The following GABRB2 variants were observed in gnomAD, a reference collection of about 807,000 sequenced individuals.
The protein encoded by GABRB2 is gamma-aminobutyric acid type A receptor subunit beta2.
A neutral mutation model predicts 54.7 loss-of-function variants in GABRB2; 16 were observed. That is an observed-to-expected ratio of 0.29 (90% CI 0.20 to 0.44). GABRB2 has a LOEUF of 0.44. Among genes scored for constraint, GABRB2 ranks in the 20% least tolerant of loss-of-function variants. GABRB2 has a pLI of 1.00. For missense variants in GABRB2, 355 were observed against 644.0 expected, an observed-to-expected ratio of 0.55 and a Z score of 4.86; for synonymous variants, 244 against 233.8, an observed-to-expected ratio of 1.04 and a Z score of -0.40.
chr5:161,315,040 G>A (rs928639076), intron 9 of GABRB2, among the ~76,000 whole-genome samples: 1 of 151,954 alleles, frequency 6.6e-6, no homozygotes, highest in Non-Finnish European at 1.5e-5. Context: ...CTAGTAATAT[G>A]GTAGAAGTAT....
At chr5:161,472,626 A>G (rs1758476810) in intron 3 of GABRB2, among the ~76,000 whole-genome samples, 1 of 151,952 alleles carries the variant, frequency 6.6e-6, no homozygotes, top group Non-Finnish European at 1.5e-5. Context: ...TTTTACACAA[A>G]AGGTAATTAC....
chr5:161,433,082 A>G (rs545633929), intron 4 of GABRB2, among the ~76,000 whole-genome samples: 102 of 152,274 alleles, frequency 6.7e-4, no homozygotes, highest in African/African-American at 2.3e-3. Flanking sequence ...GATGCACAGT[A>G]GATACCAAAA....
chr5:161,375,830 A>G (rs921085587), intron 5 of GABRB2, among the ~76,000 whole-genome samples: 1 of 152,164 alleles, frequency 6.6e-6, no homozygotes, highest in East Asian at 1.9e-4. Flanking sequence ...ATGATGAAGA[A>G]GATGATGATT....
intron 5 of GABRB2, among the ~76,000 whole-genome samples, chr5:161,343,939 GA>G (rs1754243919): frequency 1.3e-5 from 2 of 152,072 alleles, no homozygotes; most frequent in Non-Finnish European, 2.9e-5. Context: ...AAAATCTTGT[GA>G]AAATGCAGAT....
At chr5:161,418,398 A>G (rs1756744873) in intron 4 of GABRB2, among the ~76,000 whole-genome samples, 1 of 152,186 alleles carries the variant, frequency 6.6e-6, no homozygotes, top group Non-Finnish European at 1.5e-5. Context: ...TCTTAGAGGA[A>G]GTCTGCATCC....
intron 4 of GABRB2, among the ~76,000 whole-genome samples, chr5:161,442,148 C>T (rs893456615): frequency 1.6e-4 from 25 of 152,062 alleles, no homozygotes; most frequent in African/African-American, 6.0e-4. Flanking sequence ...CTATGGAAAA[C>T]CCATTGCCCA....
intron 3 of GABRB2, among the ~76,000 whole-genome samples, chr5:161,466,756 A>C (rs1480132611): frequency 6.6e-6 from 1 of 151,946 alleles, no homozygotes; most frequent in Non-Finnish European, 1.5e-5. Flanking sequence ...ATGACTATTC[A>C]ACCATGAGCT....
chr5:161,540,239 C>T (rs1760770364), intron 3 of GABRB2, among the ~76,000 whole-genome samples: 1 of 152,228 alleles, frequency 6.6e-6, no homozygotes, highest in African/African-American at 2.4e-5. Flanking sequence ...TTTGTTGTCA[C>T]TTCAACAATG....
intron 4 of GABRB2, among the ~76,000 whole-genome samples, chr5:161,414,287 A>G (rs1756600077): frequency 6.6e-6 from 1 of 152,166 alleles, no homozygotes; most frequent in East Asian, 1.9e-4. Context: ...TGAAAATTTC[A>G]ATGAAAACTT....
intron 5 of GABRB2, among the ~76,000 whole-genome samples, chr5:161,358,524 G>A (rs768863770): frequency 1.3e-5 from 2 of 152,176 alleles, no homozygotes; most frequent in Non-Finnish European, 2.9e-5. Flanking sequence ...AATATTGTCA[G>A]TAGAGAAGTA....
intron 5 of GABRB2, among the ~76,000 whole-genome samples, chr5:161,358,876 C>T (rs1754720166): frequency 6.6e-6 from 1 of 152,048 alleles, no homozygotes; most frequent in South Asian, 2.1e-4. Flanking sequence ...TGTTATTTTC[C>T]AGCAACGTCC....
chr5:161,516,925 C>T (rs1759969006), intron 3 of GABRB2, among the ~76,000 whole-genome samples: 1 of 152,014 alleles, frequency 6.6e-6, no homozygotes, highest in African/African-American at 2.4e-5. Flanking sequence ...AGATGTCTCC[C>T]CTTTTGTATC....
intron 4 of GABRB2, among the ~76,000 whole-genome samples, chr5:161,440,630 C>T (rs1029701395): frequency 6.6e-6 from 1 of 152,048 alleles, no homozygotes; most frequent in Non-Finnish European, 1.5e-5. Flanking sequence ...CCCAATACAA[C>T]AAAAGACCCA....
intron 9 of GABRB2, among the ~76,000 whole-genome samples, chr5:161,300,569 A>G (rs962766437): frequency 2.6e-5 from 4 of 152,208 alleles, no homozygotes; most frequent in East Asian, 1.9e-4. Flanking sequence ...CTTAAAATCA[A>G]CCAGGGAAAC....
intron 9 of GABRB2, among the ~76,000 whole-genome samples, chr5:161,297,896 C>T (rs1260722067): frequency 2.0e-5 from 3 of 152,182 alleles, no homozygotes; most frequent in Non-Finnish European, 4.4e-5. Flanking sequence ...TACACTCCCA[C>T]TAACAGTGTA....
intron 3 of GABRB2, among the ~76,000 whole-genome samples, chr5:161,470,461 A>G (rs1175412091): frequency 6.6e-6 from 1 of 151,992 alleles, no homozygotes; most frequent in African/African-American, 2.4e-5. Flanking sequence ...ATAAAATAGA[A>G]CAACTGTAAC....
chr5:161,319,865 C>T (rs181457502), intron 9 of GABRB2, among the ~76,000 whole-genome samples: 236 of 151,448 alleles, frequency 1.6e-3, no homozygotes, highest in Middle Eastern at 6.8e-3. Flanking sequence ...GTTAATTGGT[C>T]GTTTTTCTTT....
intron 4 of GABRB2, among the ~76,000 whole-genome samples, chr5:161,430,740 T>C (rs886188119): frequency 6.6e-6 from 1 of 152,152 alleles, no homozygotes; most frequent in African/African-American, 2.4e-5. Flanking sequence ...TGAGTACTTA[T>C]GTTCAAGCGC....
At chr5:161,541,839 C>G (rs1760828246) in intron 3 of GABRB2, among the ~76,000 whole-genome samples, 1 of 152,238 alleles carries the variant, frequency 6.6e-6, no homozygotes, top group East Asian at 1.9e-4. Flanking sequence ...CTACCACTTT[C>G]AATTTCCTTC....
Sources: gnomAD v4.1 joint callset for allele counts (sites outside exome capture counted in the v4.1 genomes callset) on GRCh38, gnomAD v4.1.1 for gene constraint, MANE v1.5 for transcripts, NCBI Gene and HGNC (gene_info 2026-07-23, HGNC 2026-07-21) for gene names.